The following ACYP2 variants were observed in gnomAD, a reference collection of about 807,000 sequenced individuals.
The protein encoded by ACYP2 is acylphosphatase-2.
Under a neutral mutation model 11.2 loss-of-function variants are expected in ACYP2, and 12 were observed. The observed-to-expected ratio is 1.08, with a 90% confidence interval of 0.69 to 1.74. ACYP2 has a LOEUF of 1.74. Among genes scored for constraint, ACYP2 ranks in the 40% most tolerant of loss-of-function variants. The pLI is 0.00. For synonymous variants in ACYP2, 43 were observed against 32.2 expected, an observed-to-expected ratio of 1.33 and a Z score of -1.13; for missense variants, 134 against 101.9, an observed-to-expected ratio of 1.31 and a Z score of -1.35.
At chr2:54,100,303 CT>C (rs201503798) in intron 4 of ACYP2, among the ~76,000 whole-genome samples, 33,023 of 132,208 alleles carry the variant, frequency 0.25, 3,559 homozygotes, top group African/African-American at 0.35. Flanking sequence ...TATATACTTC[CT>C]TTTTTTTTTT....
At chr2:54,042,561 A>C (rs1213217772) in intron 2 of ACYP2, among the ~76,000 whole-genome samples, 2 of 152,246 alleles carry the variant, frequency 1.3e-5, no homozygotes, top group Non-Finnish European at 2.9e-5. Flanking sequence ...AGTGACTCAC[A>C]GAAGTTTCCA....
At chr2:54,169,457 A>ATTTT (rs112372558) in intron 6 of ACYP2, among the ~76,000 whole-genome samples, 1 of 149,110 alleles carries the variant, frequency 6.7e-6, no homozygotes, top group Non-Finnish European at 1.5e-5. Flanking sequence ...AGCCTCTAGA[A>ATTTT]TTTTTTTTTT....
At chr2:54,143,343 T>C (rs1681703961) in intron 6 of ACYP2, 1 of 152,254 alleles carries the variant, frequency 6.6e-6, no homozygotes, top group South Asian at 2.1e-4. Flanking sequence ...TACAGTGTGT[T>C]ATTCTTTTAA....
At chr2:53,978,818 G>C (rs1473043499) in intron 2 of ACYP2, among the ~76,000 whole-genome samples, 1 of 152,278 alleles carries the variant, frequency 6.6e-6, no homozygotes, top group South Asian at 2.1e-4. Context: ...AGCTACTCAG[G>C]AGTCTGAGGT....
intron 2 of ACYP2, among the ~76,000 whole-genome samples, chr2:54,027,821 G>GTTTCTTTC (rs202001088): frequency 3.0e-5 from 4 of 135,178 alleles, no homozygotes; most frequent in African/African-American, 1.1e-4. Context: ...TAGTCATCAT[G>GTTTCTTTC]TTTCTTTCTT....
chr2:54,155,149 T>C (rs1463679781), intron 6 of ACYP2, among the ~76,000 whole-genome samples: 2 of 152,212 alleles, frequency 1.3e-5, no homozygotes, highest in African/African-American at 2.4e-5. Flanking sequence ...TCTCCTCTTT[T>C]ATTTCTCATT....
At chr2:54,201,596 CTT>C (rs879595389) in intron 6 of ACYP2, among the ~76,000 whole-genome samples, 1 of 72,152 alleles carries the variant, frequency 1.4e-5, no homozygotes, top group African/African-American at 5.1e-5. Flanking sequence ...CTTTCTTTCT[CTT>C]TCTTTCTTTC....
intron 6 of ACYP2, among the ~76,000 whole-genome samples, chr2:54,222,296 T>A (rs1685830718): frequency 6.6e-6 from 1 of 152,050 alleles, no homozygotes; most frequent in Non-Finnish European, 1.5e-5. Flanking sequence ...ATGCCTGTAG[T>A]CCTAGCACTT....
At chr2:54,078,760 G>C (rs150593408) in intron 4 of ACYP2, among the ~76,000 whole-genome samples, 2 of 151,810 alleles carry the variant, frequency 1.3e-5, no homozygotes, top group South Asian at 4.1e-4. Context: ...CACCACACCC[G>C]CTAATTTTTC....
intron 6 of ACYP2, among the ~76,000 whole-genome samples, chr2:54,158,451 C>T (rs1010115001): frequency 6.6e-6 from 1 of 152,088 alleles, no homozygotes; most frequent in Admixed American, 6.6e-5. Flanking sequence ...AGCAATCCTC[C>T]AGCCTTGACC....
At chr2:54,019,634 T>C (rs1023100957) in intron 2 of ACYP2, among the ~76,000 whole-genome samples, 1 of 151,352 alleles carries the variant, frequency 6.6e-6, no homozygotes, top group Non-Finnish European at 1.5e-5. Flanking sequence ...ATTATTATTA[T>C]TTTGAGACGG....
intron 6 of ACYP2, among the ~76,000 whole-genome samples, chr2:54,284,712 C>T (rs1689006241): frequency 6.6e-6 from 1 of 152,160 alleles, no homozygotes; most frequent in Admixed American, 6.5e-5. Context: ...CTTGATAAAG[C>T]TATGTTGACT....
At chr2:54,265,534 C>T (rs843682) in intron 6 of ACYP2, among the ~76,000 whole-genome samples, 73,461 of 151,886 alleles carry the variant, frequency 0.48, 18,301 homozygotes, top group African/African-American at 0.6. Context: ...GATGAGGCAG[C>T]TGAAAGGAAT....
intron 6 of ACYP2, chr2:54,255,226 A>G (rs1259016470): frequency 3.7e-6 from 6 of 1,614,060 alleles, no homozygotes; most frequent in Non-Finnish European, 4.2e-6. Context: ...CACCTTTACA[A>G]TCAGCTTGTT....
At chr2:54,108,062 G>T (rs1198800911) in intron 4 of ACYP2, among the ~76,000 whole-genome samples, 1 of 152,120 alleles carries the variant, frequency 6.6e-6, no homozygotes, top group African/African-American at 2.4e-5. Context: ...CCTGTGCCCT[G>T]CCTCTTGGTG....
In ACYP2 at chr2:54,115,937, A is replaced by C. The variant is rs562372545; in HGVS notation, c.278-19516A>C. ...AACGCGCATGCGCCCGAGGACTTGGACGGGCGGAAGTACGGGAATGGGGAG... is the reference window on the plus strand; with the variant it reads ...AACGCGCATGCGCCCGAGGACTTGGCCGGGCGGAAGTACGGGAATGGGGAG... On this transcript the variant is annotated intron_variant, in intron 4 of 6. Coordinates refer to ENST00000607452, the MANE Select transcript of ACYP2 (RefSeq NM_001320586.2). Among the ~76,000 whole-genome samples, 43 of 150,400 alleles carry C rather than the reference A, an allele frequency of 2.9e-4. No individual in the cohort carries two copies. In the South Asian group the frequency reaches 4.6e-3, roughly 16 times the overall value.
At chr2:54,245,774 T>C (rs1466022346) in intron 6 of ACYP2, among the ~76,000 whole-genome samples, 4 of 152,014 alleles carry the variant, frequency 2.6e-5, no homozygotes, top group Non-Finnish European at 5.9e-5. Context: ...AATCCCCTAG[T>C]GGATGAATAG....
At chr2:54,132,247 G>C (rs375678628) in intron 4 of ACYP2, among the ~76,000 whole-genome samples, 4 of 152,086 alleles carry the variant, frequency 2.6e-5, no homozygotes, top group African/African-American at 9.7e-5. Context: ...TGGTCTGGTT[G>C]ACCTGAAGTT....
At chr2:54,144,531 A>G (rs960916422) in intron 6 of ACYP2, among the ~76,000 whole-genome samples, 2 of 151,904 alleles carry the variant, frequency 1.3e-5, no homozygotes, top group Non-Finnish European at 2.9e-5. Flanking sequence ...AAAATTAGCC[A>G]GGCGTGGTGG....
Sources: allele counts gnomAD v4.1 joint callset (sites outside exome capture counted in the v4.1 genomes callset), GRCh38; gene constraint gnomAD v4.1.1; transcripts MANE v1.5; gene names NCBI Gene and HGNC (gene_info 2026-07-23, HGNC 2026-07-21).